Variants in FRRS1 observed in about 807,000 individuals in gnomAD.
FRRS1 encodes the protein ferric chelate reductase 1.
In FRRS1, 51 loss-of-function variants were observed where a neutral mutation model predicts 70.7. That is an observed-to-expected ratio of 0.72 (90% CI 0.58 to 0.91). FRRS1 has a LOEUF of 0.91. FRRS1 is among the 40% of genes least tolerant of loss of function. The pLI is 0.00. For missense variants in FRRS1, 672 were observed against 726.0 expected, an observed-to-expected ratio of 0.93 and a Z score of 0.86; for synonymous variants, 225 against 238.7, an observed-to-expected ratio of 0.94 and a Z score of 0.53.
intron 4 of FRRS1, among the ~76,000 whole-genome samples, chr1:99,744,358 T>C (rs1013945495): frequency 3.3e-5 from 5 of 152,298 alleles, no homozygotes; most frequent in South Asian, 2.1e-4. Flanking sequence ...GAATAAAAGT[T>C]TGGCTTTTAA....
rs57154873 is a variant in FRRS1, at chr1:99,706,408, CA to C, written c.*2619del. On this transcript the variant is annotated 3_prime_UTR_variant, in exon 17 of 17. Transcript: ENST00000646001. ...TGGGCAACAGAGTAAGACCCTGTCT[CA>C]AAAAAAAAAAAAAAAGATTAAATGC... Among the ~76,000 whole-genome samples, 22,640 of 92,844 alleles carry C rather than the reference CA, an allele frequency of 0.24. 2,494 individuals carry two copies. The highest frequency in any genetic ancestry group is 0.44 in the African/African-American group (12,807 of 29,234). The allele number at this position is 92,844 out of a possible 152,430, so 60.9% of individuals were successfully genotyped here. A position where few individuals can be genotyped will look rare whatever the true frequency, so the allele number is the denominator to read the frequency against.
rs563319376 is a variant in FRRS1 at position 99,740,470 on chromosome 1, C to A, written c.576+323G>T. Reference sequence around the variant, plus strand: ...TTGCCACACAAAATACACAGAACCACAATTTCCAATCACAAATTTACCTGT... The same window carrying A: ...TTGCCACACAAAATACACAGAACCAAAATTTCCAATCACAAATTTACCTGT... On this transcript the variant is annotated intron_variant, in intron 6 of 16. Transcript: ENST00000646001. 7.7e-4 allele frequency among the ~76,000 whole-genome samples: 117 copies of A among 152,350 alleles called. 1 individual carries two copies. Among genetic ancestry groups the A allele is most frequent in the African/African-American group, 2.8e-3 (115 of 41,576 alleles).
At chr1:99,766,481 C>CCAGAA (rs1203292690) in intron 1 of FRRS1, 126 bp downstream of exon 1, 4 of 152,164 alleles carry the variant, frequency 2.6e-5, no homozygotes, top group Non-Finnish European at 4.4e-5. Context: ...AATACAGCAC[C>CCAGAA]CGTTCTGCCT....
rs542475267 is a variant in FRRS1, at chr1:99,717,309, C to T, written c.1236+101G>A. The T allele has an allele frequency of 1.6e-5, 13 of 795,670 alleles. No individual in the cohort carries two copies. In the African/African-American group the frequency reaches 2.2e-4, roughly 14 times the overall value. 49.3% of individuals were successfully genotyped at this position (795,670 alleles called of 1,614,324 possible). A position where few individuals can be genotyped will look rare whatever the true frequency, so the allele number is the denominator to read the frequency against. ...AAGGAGGATCCCAAACCTACAACTGCAACCACAAAACGCATACACATACAC... is the reference window on the plus strand; with the variant it reads ...AAGGAGGATCCCAAACCTACAACTGTAACCACAAAACGCATACACATACAC... On this transcript the variant is annotated intron_variant, in intron 11 of 16. Transcript: ENST00000646001.
intron 1 of FRRS1, among the ~76,000 whole-genome samples, chr1:99,756,127 C>A (rs967072960): frequency 2.0e-5 from 3 of 152,158 alleles, no homozygotes; most frequent in African/African-American, 7.2e-5. Context: ...TAAGCTATTA[C>A]ATTATGAAAT....
intron 15 of FRRS1, 32 bp from the exon 16 acceptor site, chr1:99,709,291 G>A (rs1315455708): frequency 6.4e-6 from 9 of 1,405,114 alleles, no homozygotes; most frequent in Admixed American, 1.7e-5. Context: ...GTTTTTAAGG[G>A]CAGCGTTATG....
intron 16 of FRRS1, 21 bp from the exon 17 acceptor site, chr1:99,709,141 T>C (rs749143685): frequency 6.3e-6 from 10 of 1,591,654 alleles, no homozygotes; most frequent in Middle Eastern, 1.7e-4. Context: ...AATTGAGATA[T>C]GAAAAAAAAA....
intron 1 of FRRS1, among the ~76,000 whole-genome samples, chr1:99,750,677 G>GAA (rs56815242): frequency 0.04 from 5,626 of 140,568 alleles, 382 homozygotes; most frequent in African/African-American, 0.13. Context: ...AAACTGAAAA[G>GAA]AAAAAAAAAA....
intron 6 of FRRS1, 91 bp downstream of exon 6, chr1:99,740,702 C>T: frequency 2.3e-6 from 2 of 853,730 alleles, no homozygotes; most frequent in Non-Finnish European, 3.9e-6. Flanking sequence ...GACTCCAAGG[C>T]AGGAGGATCA....
chr1:99,718,918 T>G (rs369674863), intron 10 of FRRS1, among the ~76,000 whole-genome samples: 1 of 152,168 alleles, frequency 6.6e-6, no homozygotes, highest in Non-Finnish European at 1.5e-5. Context: ...TAGAAACAAC[T>G]AGGATAGTTT....
At chr1:99,733,357 C>T (rs960805565) in intron 7 of FRRS1, among the ~76,000 whole-genome samples, 10 of 152,172 alleles carry the variant, frequency 6.6e-5, no homozygotes, top group Admixed American at 5.9e-4. Flanking sequence ...TCAGAAGTAC[C>T]TGGAGATCAG....
chr1:99,749,062 A>G (rs917396898), intron 1 of FRRS1, 61 bp from the exon 2 acceptor site: 6 of 228,748 alleles, frequency 2.6e-5, no homozygotes, highest in Admixed American at 5.5e-5. Flanking sequence ...CGAGACATAG[A>G]TCTCGCTCTG....
At position 99,706,648 on chromosome 1, in the gene FRRS1, C is replaced by T. The variant is rs1453129266; in HGVS notation, c.*2380G>A. ...GTGGCTCGTGCCTGTAATCCCAGCA[C>T]TTTGGGAGGCTGAGGCGGGTGGATT... On this transcript the variant is annotated 3_prime_UTR_variant, in exon 17 of 17. Coordinates refer to ENST00000646001, the MANE Select transcript of FRRS1 (RefSeq NM_001361041.2). Among the ~76,000 whole-genome samples, 1 of 152,124 alleles carries T rather than the reference C, an allele frequency of 6.6e-6. No homozygotes were observed. Among genetic ancestry groups the T allele is most frequent in the East Asian group, 1.9e-4 (1 of 5,198 alleles).
intron 12 of FRRS1, among the ~76,000 whole-genome samples, chr1:99,714,727 AATG>A (rs1260339230): frequency 6.6e-6 from 1 of 152,200 alleles, no homozygotes. Flanking sequence ...GAGCACAGTT[AATG>A]ATAATTCCAA....
At position 99,712,163 on chromosome 1, in the gene FRRS1, T is replaced by G; in HGVS notation, c.1422A>C (p.Arg474Ser). 1.9e-6 allele frequency: 3 copies of G among 1,604,370 alleles called. No homozygotes were observed. The highest frequency in any genetic ancestry group is 2.6e-6 in the Non-Finnish European group (3 of 1,171,984). The change falls in exon 14 of 17, where the codon AGA becomes AGC. Residue 474 changes from arginine (R) to serine (S), a missense_variant and splice_region_variant. Coordinates refer to ENST00000646001, the MANE Select transcript of FRRS1 (RefSeq NM_001361041.2). ...AVFRPPLHDP[R>S]RQMFNWTHWS... is the part of the protein sequence containing the mutation. ...AATGAGTCCAGTTAAACATTTGCCT[T>G]CTACCAAAATAAGAACCAGTCAGTA...
Position 99,708,686 on chromosome 1 carries a change from C to T in FRRS1, c.*342G>A, listed in dbSNP as rs1445874784. 1 of 236,144 alleles carries T rather than the reference C, an allele frequency of 4.2e-6. No individual in the cohort carries two copies. Among genetic ancestry groups the T allele is most frequent in the Non-Finnish European group, 7.6e-6 (1 of 132,288 alleles). 14.6% of individuals were successfully genotyped at this position (236,144 alleles called of 1,614,324 possible). On this transcript the variant is annotated 3_prime_UTR_variant, in exon 17 of 17. Coordinates refer to ENST00000646001, the MANE Select transcript of FRRS1 (RefSeq NM_001361041.2). ...TATCGTAATATATCTCTTTATTATC[C>T]TAGTGACATCTGTTGTGATTTTCCA...
chr1:99,729,481 A>G (rs1324600689), intron 8 of FRRS1, among the ~76,000 whole-genome samples, 169 bp downstream of exon 8: 1 of 152,278 alleles, frequency 6.6e-6, no homozygotes, highest in Non-Finnish European at 1.5e-5. Context: ...TGAAGTGTAG[A>G]AAAGTTTCTC....
intron 4 of FRRS1, 110 bp from the exon 5 acceptor site, chr1:99,742,383 G>A: frequency 1.5e-6 from 1 of 670,148 alleles, no homozygotes; most frequent in Non-Finnish European, 2.7e-6. Context: ...TAGCATTCTG[G>A]TGAAGACTAT....
intron 6 of FRRS1, among the ~76,000 whole-genome samples, chr1:99,740,126 G>A (rs1384128207): frequency 6.6e-6 from 1 of 152,014 alleles, no homozygotes; most frequent in Non-Finnish European, 1.5e-5. Flanking sequence ...TGAGATCTAA[G>A]AGTTATTATC....
Sources: gnomAD v4.1 joint callset for allele counts (sites outside exome capture counted in the v4.1 genomes callset) on GRCh38, gnomAD v4.1.1 for gene constraint, MANE v1.5 for transcripts, NCBI Gene and HGNC (gene_info 2026-07-23, HGNC 2026-07-21) for gene names.